CSNK2A2: variants seen among roughly 807,000 people sequenced by gnomAD.
The protein encoded by CSNK2A2 is casein kinase 2 alpha 2.
Under a neutral mutation model 54.0 loss-of-function variants are expected in CSNK2A2, and 8 were observed. The ratio of observed to expected loss-of-function variants is 0.15; its 90% CI spans 0.09 to 0.27. CSNK2A2 has a LOEUF of 0.27. Ranked by LOEUF, CSNK2A2 falls within the 10% of genes least tolerant of loss-of-function variation. CSNK2A2 has a pLI of 1.00. For synonymous variants in CSNK2A2, 141 were observed against 153.9 expected (o/e 0.92, Z 0.62); for missense variants, 242 against 439.4 (o/e 0.55, Z 4.02).
At chr16:58,165,744 T>A (rs1961544641) in intron 9 of CSNK2A2, 36 bp from the exon 10 acceptor site, 2 of 1,592,360 alleles carry the variant, frequency 1.3e-6, no homozygotes, top group Admixed American at 3.6e-5. Flanking sequence ...AACCAGAGAC[T>A]AAATTCAACA....
chr16:58,196,325 G>A (rs930813442), intron 2 of CSNK2A2, among the ~76,000 whole-genome samples: 15 of 152,256 alleles, frequency 9.9e-5, no homozygotes, highest in Non-Finnish European at 1.8e-4. Flanking sequence ...AAATTTGAGC[G>A]TCGGCTGGGC....
rs2142418016 is a variant in CSNK2A2, at chr16:58,170,624, A to G, written c.430-1931T>C. 2.0e-5 allele frequency among the ~76,000 whole-genome samples: 3 copies of G among 152,188 alleles called. No individual in the cohort carries two copies. The East Asian group carries it at 5.8e-4, about 29-fold the overall frequency. The stretch of plus-strand genomic sequence containing the variant: ...AACCTGAGGGTTCAAGTTTCTCCAC[A>G]TTCTCATCAACACCTGTCATTGTTC... On this transcript the variant is annotated intron_variant, in intron 5 of 11. Transcript: ENST00000262506.
intron 4 of CSNK2A2, 71 bp downstream of exon 4, chr16:58,184,189 G>A: frequency 1.6e-6 from 2 of 1,236,346 alleles, no homozygotes; most frequent in Non-Finnish European, 2.3e-6. Flanking sequence ...TTGGGTTCTG[G>A]AGTACACAGT....
At chr16:58,174,407 TG>T (rs1567467305) in intron 5 of CSNK2A2, 43 bp downstream of exon 5, 1 of 1,346,304 alleles carries the variant, frequency 7.4e-7, no homozygotes, top group Non-Finnish European at 1.0e-6. Context: ...TATCTTTTAA[TG>T]AACAGGCCTG....
intron 4 of CSNK2A2, among the ~76,000 whole-genome samples, chr16:58,177,219 A>AC (rs1201666127): frequency 6.6e-6 from 1 of 152,146 alleles, no homozygotes; most frequent in East Asian, 1.9e-4. Flanking sequence ...AAACAGAAGC[A>AC]CTCTTCCAAG....
At position 58,177,036 on chromosome 16, in the gene CSNK2A2, G is replaced by A. The variant is rs547006578; in HGVS notation, c.370-2526C>T. Reference sequence around the variant, plus strand: ...TGAACTCTCCCCACCACCCAAGTATGCCAAGGGCCCACTGAACAACTCACT... The same window carrying A: ...TGAACTCTCCCCACCACCCAAGTATACCAAGGGCCCACTGAACAACTCACT... On this transcript the variant is annotated intron_variant, in intron 4 of 11. Transcript: ENST00000262506. 5.9e-4 allele frequency among the ~76,000 whole-genome samples: 90 copies of A among 152,278 alleles called. 1 individual carries two copies. The highest frequency in any genetic ancestry group is 1.8e-3 in the African/African-American group (75 of 41,544).
rs150680653 is a variant in CSNK2A2 at position 58,195,352 on chromosome 16, G to C, written c.216+1381C>G. On this transcript the variant is annotated intron_variant, in intron 2 of 11. Transcript: ENST00000262506. ...CTGCAATTCTGCTCCTTTATCACTA[G>C]GCTAGGATGTTTTGAGTGATGGAGT... Among the ~76,000 whole-genome samples the C allele has an allele frequency of 5.0e-3, 756 of 152,194 alleles. 3 individuals carry two copies. The highest frequency in any genetic ancestry group is 0.017 in the African/African-American group (715 of 41,540).
intron 10 of CSNK2A2, among the ~76,000 whole-genome samples, chr16:58,164,612 A>G (rs1961507581): frequency 6.6e-6 from 1 of 152,210 alleles, no homozygotes; most frequent in South Asian, 2.1e-4. Flanking sequence ...GAAAAGCAGA[A>G]AGATCATTAA....
chr16:58,197,535 T>G lies in CSNK2A2; in HGVS notation c.104+98A>C. The G allele has an allele frequency of 3.1e-6, 2 of 653,374 alleles. No individual in the cohort carries two copies. The highest frequency in any genetic ancestry group is 2.0e-5 in the South Asian group (1 of 48,900). 40.5% of individuals were successfully genotyped at this position (653,374 alleles called of 1,614,324 possible). ...GCCTCCCTGCGGGCCCGCGGAGGGG[T>G]CGGCGGGAGACACCACCGGGCCCGA... On this transcript the variant is annotated intron_variant, in intron 1 of 11. Coordinates refer to ENST00000262506, the MANE Select transcript of CSNK2A2 (RefSeq NM_001896.4). The surrounding 1 kb of genome is among the most constrained non-coding windows in gnomAD (Gnocchi z 4.0).
intron 5 of CSNK2A2, among the ~76,000 whole-genome samples, chr16:58,171,982 T>A (rs1418211879): frequency 0.21 from 10,161 of 48,070 alleles, 355 homozygotes; most frequent in Non-Finnish European, 0.24. Context: ...TATATATATT[T>A]TTTTTTTTTT....
intron 11 of CSNK2A2, chr16:58,163,253 C>CAAAAAAAAAAAAAA (rs55808367): frequency 3.0e-5 from 2 of 66,604 alleles, no homozygotes; most frequent in African/African-American, 6.9e-5. Flanking sequence ...ACAAGGCTGC[C>CAAAAAAAAAAAAAA]AAAAAAAAAA....
rs1177012182 is a variant in CSNK2A2 at position 58,184,326 on chromosome 16, T to TTAA, written c.319-19_319-17dup. ...GTGTCTTTGACTGTAAAAGAGAATA[T>TTAA]TAATGCTTTTTAAGTACCCAAACAA... On this transcript the variant is annotated splice_polypyrimidine_tract_variant and intron_variant, in intron 3 of 11. Coordinates refer to ENST00000262506, the MANE Select transcript of CSNK2A2 (RefSeq NM_001896.4). 3.9e-6 allele frequency: 6 copies of TTAA among 1,551,520 alleles called. No homozygotes were observed. The highest frequency in any genetic ancestry group is 5.3e-6 in the Non-Finnish European group (6 of 1,129,336).
intron 2 of CSNK2A2, among the ~76,000 whole-genome samples, chr16:58,188,487 C>T (rs1278747253): frequency 6.6e-6 from 1 of 152,228 alleles, no homozygotes; most frequent in Non-Finnish European, 1.5e-5. Flanking sequence ...ATGAAACAAA[C>T]TGATCCAGAC....
chr16:58,186,983 G>A (rs1191163548), intron 2 of CSNK2A2, 127 bp from the exon 3 acceptor site: 1 of 689,550 alleles, frequency 1.5e-6, no homozygotes, highest in East Asian at 3.0e-5. Context: ...TCAAGAGTGT[G>A]CCTAAATTTG....
intron 2 of CSNK2A2, among the ~76,000 whole-genome samples, chr16:58,189,899 G>C (rs1347841458): frequency 6.6e-6 from 1 of 152,150 alleles, no homozygotes; most frequent in Non-Finnish European, 1.5e-5. Flanking sequence ...CTAAACCAAT[G>C]AGCTCTGAGG....
intron 3 of CSNK2A2, among the ~76,000 whole-genome samples, chr16:58,185,444 A>C (rs1445480507): frequency 2.0e-5 from 3 of 152,234 alleles, no homozygotes; most frequent in Non-Finnish European, 2.9e-5. Flanking sequence ...ATCATGTAAA[A>C]CATACACATA....
intron 4 of CSNK2A2, among the ~76,000 whole-genome samples, chr16:58,182,511 C>T (rs1055870406): frequency 7.8e-5 from 11 of 141,858 alleles, no homozygotes; most frequent in African/African-American, 2.4e-4. Flanking sequence ...GCCGAGATTG[C>T]GCTATTGCAC....
rs1302501449 is a variant in CSNK2A2 at position 58,186,675 on chromosome 16, C to T, written c.318+80G>A. On this transcript the variant is annotated intron_variant, in intron 3 of 11. Coordinates refer to ENST00000262506, the MANE Select transcript of CSNK2A2 (RefSeq NM_001896.4). ...CACCACCATCCCCACTGTATCATTA[C>T]GTGAGGTTCTGTGTGTTAAACAACT... 15 of 938,554 alleles carry T rather than the reference C, an allele frequency of 1.6e-5. No homozygotes were observed. In the East Asian group the frequency reaches 2.0e-4, roughly 12 times the overall value. 58.1% of individuals were successfully genotyped at this position (938,554 alleles called of 1,614,324 possible).
At chr16:58,167,143 C>G in intron 8 of CSNK2A2, 64 bp downstream of exon 8, 1 of 1,083,636 alleles carries the variant, frequency 9.2e-7, no homozygotes, top group Non-Finnish European at 1.4e-6. Flanking sequence ...GTATTCTTAT[C>G]TAAGGATGCT....
Sources: allele counts gnomAD v4.1 joint callset (sites outside exome capture counted in the v4.1 genomes callset), GRCh38; gene constraint gnomAD v4.1.1; non-coding constraint Gnocchi (gnomAD v3.1); transcripts MANE v1.5; gene names NCBI Gene and HGNC (gene_info 2026-07-23, HGNC 2026-07-21).